The following MAF variants were observed in gnomAD, a reference collection of about 807,000 sequenced individuals.
MAF encodes the protein transcription factor Maf.
MAF carries 10 observed loss-of-function variants against 22.0 expected under a neutral mutation model. The ratio of observed to expected loss-of-function variants is 0.45; its 90% CI spans 0.28 to 0.77. The LOEUF is 0.77. MAF is among the 30% of genes least tolerant of loss of function. The probability of loss-of-function intolerance (pLI) is 0.12; values close to 1 mark genes in which losing one functional copy is unlikely to be tolerated. For missense variants in MAF, 544 were observed against 548.4 expected, an observed-to-expected ratio of 0.99 and a Z score of 0.08; for synonymous variants, 337 against 255.8, an observed-to-expected ratio of 1.32 and a Z score of -3.03.
At chr16:79,453,343 C>T in the MAF span, among the ~76,000 whole-genome samples, 6 of 152,184 alleles carry the variant, frequency 3.9e-5, no homozygotes, top group South Asian at 4.1e-4. Flanking sequence ...TTCCATGCAA[C>T]CTAAGATGGC....
At chr16:79,410,264 G>T in the MAF span, among the ~76,000 whole-genome samples, 9 of 152,188 alleles carry the variant, frequency 5.9e-5, no homozygotes, top group Non-Finnish European at 1.2e-4. Flanking sequence ...GAATCTCTGT[G>T]AATCTGTTGT....
chr16:79,507,671 C>T, the MAF span, among the ~76,000 whole-genome samples: 742 of 149,660 alleles, frequency 5.0e-3, 4 homozygotes, highest in African/African-American at 0.017. Context: ...GTGATCCATC[C>T]GCCTCGGTCT....
At chr16:79,312,518 C>G in the MAF span, among the ~76,000 whole-genome samples, 1 of 152,228 alleles carries the variant, frequency 6.6e-6, no homozygotes, top group African/African-American at 2.4e-5. Flanking sequence ...CAGACTGACT[C>G]CAAAACAGTT....
the MAF span, among the ~76,000 whole-genome samples, chr16:79,297,398 A>G: frequency 3.9e-5 from 6 of 152,198 alleles, no homozygotes; most frequent in African/African-American, 4.8e-5. Context: ...GCTTGATGCT[A>G]TGAAAACAGG....
At chr16:79,471,532 T>G in the MAF span, among the ~76,000 whole-genome samples, 2 of 152,078 alleles carry the variant, frequency 1.3e-5, no homozygotes, top group African/African-American at 4.8e-5. Flanking sequence ...CAAAAATTAG[T>G]TGGGCATGGT....
At chr16:79,577,527 C>T in the MAF span, among the ~76,000 whole-genome samples, 2 of 152,100 alleles carry the variant, frequency 1.3e-5, no homozygotes, top group East Asian at 3.9e-4. Context: ...CCAGGAGACA[C>T]TCGGTGCATG....
At chr16:79,318,286 C>A in the MAF span, among the ~76,000 whole-genome samples, 1 of 152,078 alleles carries the variant, frequency 6.6e-6, no homozygotes, top group Non-Finnish European at 1.5e-5. Flanking sequence ...AGAGCATTGT[C>A]CTTTGGGATG....
chr16:79,512,998 A>T, the MAF span, among the ~76,000 whole-genome samples: 1 of 152,252 alleles, frequency 6.6e-6, no homozygotes, highest in Admixed American at 6.5e-5. Flanking sequence ...TCATGTGACC[A>T]CAGAGCTAGG....
chr16:79,378,488 A>T, the MAF span, among the ~76,000 whole-genome samples: 1 of 152,186 alleles, frequency 6.6e-6, no homozygotes, highest in African/African-American at 2.4e-5. Flanking sequence ...AAATTTATCA[A>T]ATTGTTACTG....
the MAF span, among the ~76,000 whole-genome samples, chr16:79,556,053 T>C: frequency 6.6e-6 from 1 of 152,324 alleles, no homozygotes; most frequent in Non-Finnish European, 1.5e-5. Flanking sequence ...AGTTTAGTGA[T>C]GATTTGTTTA....
chr16:79,466,537 C>T, the MAF span, among the ~76,000 whole-genome samples: 1 of 152,178 alleles, frequency 6.6e-6, no homozygotes, highest in Non-Finnish European at 1.5e-5. Context: ...CAAGGAGATC[C>T]CGGAGGCAAA....
chr16:79,277,729 A>C, the MAF span, among the ~76,000 whole-genome samples: 1 of 152,192 alleles, frequency 6.6e-6, no homozygotes, highest in Non-Finnish European at 1.5e-5. Flanking sequence ...CTGAGCTTCT[A>C]TGTGTCTGTT....
chr16:79,541,216 G>A, the MAF span, among the ~76,000 whole-genome samples: 7 of 152,172 alleles, frequency 4.6e-5, no homozygotes, highest in East Asian at 3.9e-4. Context: ...GACTGCTATC[G>A]TACTCTAAGC....
In MAF at chr16:79,594,015, A is replaced by C; in HGVS notation, c.*445T>G. ...GGATTTGTTTAGGGAAGGGGAGTCG[A>C]ATATCTATTTTTCTTCTTAGTAAAA... On this transcript the variant is annotated 3_prime_UTR_variant, in exon 2 of 2. Transcript: ENST00000326043. 1 of 227,358 alleles carries C rather than the reference A, an allele frequency of 4.4e-6. No homozygotes were observed. The highest frequency in any genetic ancestry group is 8.8e-6 in the Non-Finnish European group (1 of 113,538). The allele number at this position is 227,358 out of a possible 1,614,324, so 14.1% of individuals were successfully genotyped here.
the MAF span, among the ~76,000 whole-genome samples, chr16:79,441,143 C>G: frequency 6.6e-6 from 1 of 152,316 alleles, no homozygotes; most frequent in South Asian, 2.1e-4. Context: ...TATTCCCCAT[C>G]TTGAAAACAA....
the MAF span, among the ~76,000 whole-genome samples, chr16:79,560,952 A>C: frequency 1.3e-5 from 2 of 152,206 alleles, no homozygotes; most frequent in Admixed American, 6.5e-5. Flanking sequence ...ACTGCATTCA[A>C]GGTTTGCTCT....
the MAF span, among the ~76,000 whole-genome samples, chr16:79,478,657 T>A: frequency 2.6e-4 from 40 of 152,292 alleles, no homozygotes; most frequent in East Asian, 9.6e-4. Flanking sequence ...TCTCCTAGTG[T>A]TCCATCCCAA....
chr16:79,404,412 T>A, the MAF span, among the ~76,000 whole-genome samples: 2 of 152,174 alleles, frequency 1.3e-5, no homozygotes, highest in African/African-American at 4.8e-5. Context: ...TCTGCCCGCC[T>A]TGGCCTCCCA....
the MAF span, among the ~76,000 whole-genome samples, chr16:79,428,527 A>T: frequency 6.6e-6 from 1 of 151,456 alleles, no homozygotes; most frequent in Admixed American, 6.6e-5. Flanking sequence ...AGAGAAAGAG[A>T]CTCTTCCTTC....
Sources: gnomAD v4.1 joint callset for allele counts (sites outside exome capture counted in the v4.1 genomes callset) on GRCh38, gnomAD v4.1.1 for gene constraint, MANE v1.5 for transcripts, NCBI Gene and HGNC (gene_info 2026-07-23, HGNC 2026-07-21) for gene names.